EFCAB8: variants seen among roughly 807,000 people sequenced by gnomAD.
EFCAB8 encodes the protein EF-hand calcium binding domain 8, also known as EF-hand calcium-binding domain-containing protein 8.
In EFCAB8, 100 loss-of-function variants were observed where a neutral mutation model predicts 116.3. The ratio of observed to expected loss-of-function variants is 0.86; its 90% confidence interval spans 0.73 to 1.02. EFCAB8 has a LOEUF of 1.02. Ranked by LOEUF, EFCAB8 falls within the 50% of genes least tolerant of loss-of-function variation. The pLI, the probability that EFCAB8 is intolerant of heterozygous loss-of-function variation, is 0.00. For missense variants in EFCAB8, 1,320 were observed against 1,416.9 expected (o/e 0.93, Z 1.10); for synonymous variants, 558 against 567.9 (o/e 0.98, Z 0.25).
intron 11 of EFCAB8, among the ~76,000 whole-genome samples, chr20:32,899,960 C>T (rs867838148): frequency 1.3e-5 from 2 of 152,166 alleles, no homozygotes; most frequent in African/African-American, 4.8e-5. Flanking sequence ...AGTCTTCCTG[C>T]TGGGTGGCTC....
chr20:32,895,810 A>G (rs1467085858), intron 9 of EFCAB8, among the ~76,000 whole-genome samples: 1 of 152,000 alleles, frequency 6.6e-6, no homozygotes, highest in Admixed American at 6.6e-5. Context: ...ACCCCAGGTC[A>G]TCTGCCCGTC....
chr20:32,942,033 C>T (rs1420141759), intron 22 of EFCAB8, among the ~76,000 whole-genome samples: 2 of 152,090 alleles, frequency 1.3e-5, no homozygotes, highest in Non-Finnish European at 2.9e-5. Flanking sequence ...ATGTATACTA[C>T]AAAATTGCAC....
chr20:32,937,057 A>G (rs1988148110), intron 22 of EFCAB8, among the ~76,000 whole-genome samples: 1 of 152,052 alleles, frequency 6.6e-6, no homozygotes, highest in Non-Finnish European at 1.5e-5. Context: ...ATTTTAAAAT[A>G]CCTGGCTAAT....
rs1985794371 is a variant in EFCAB8 at position 32,889,312 on chromosome 20, C to T, written c.579C>T (p.Thr193=). ...SLMSSFRLNQ[T]QQLYNQPMWV... ...CTTCCTCTGGCCAGCTTAACCAGAC[C>T]CAGCAGCTCTACAACCAGCCGATGT... is the stretch of plus-strand genomic sequence containing the variant. The change falls in exon 7 of 27, where the codon ACC becomes ACT. Residue 193 remains threonine, a synonymous_variant. Transcript: ENST00000400522. 1 of 1,551,502 alleles carries T rather than the reference C, an allele frequency of 6.4e-7. No individual in the cohort carries two copies. Among genetic ancestry groups the T allele is most frequent in the Admixed American group, 2.0e-5 (1 of 50,972 alleles).
At chr20:32,904,713 A>G (rs6120032) in intron 11 of EFCAB8, among the ~76,000 whole-genome samples, 101,235 of 150,312 alleles carry the variant, frequency 0.67, 34,684 homozygotes, top group Middle Eastern at 0.81. Flanking sequence ...TGCAACCTCC[A>G]CCTCCCAGGT....
chr20:32,909,895 C>T lies in EFCAB8; in HGVS notation c.1521C>T (p.Pro507=). ...GGAAGAGGACCACTCATTGCTCACC[C>T]CTGTGTGCTGTCCTCTACAGCAAGA... is the stretch of plus-strand genomic sequence containing the variant. ...KARKRTTHCS[P]LCAVLYSKIF... The change falls in exon 15 of 27, where the codon CCC becomes CCT. Residue 507 remains proline, a synonymous_variant. Transcript: ENST00000400522. 8.0e-7 allele frequency: 1 copy of T among 1,249,870 alleles called. No homozygotes were observed. The highest frequency in any genetic ancestry group is 1.5e-5 in the African/African-American group (1 of 64,586). 77.4% of individuals were successfully genotyped at this position (1,249,870 alleles called of 1,614,324 possible).
intron 24 of EFCAB8, among the ~76,000 whole-genome samples, chr20:32,958,987 G>A (rs149491080): frequency 6.6e-6 from 1 of 152,230 alleles, no homozygotes; most frequent in Admixed American, 6.5e-5. Context: ...GGAGCAGGCT[G>A]CTGGCTACTT....
At chr20:32,943,305 A>G (rs1988462358) in intron 22 of EFCAB8, among the ~76,000 whole-genome samples, 1 of 152,260 alleles carries the variant, frequency 6.6e-6, no homozygotes. Context: ...TGTGAGGTTC[A>G]AATGGAATAA....
intron 22 of EFCAB8, among the ~76,000 whole-genome samples, chr20:32,934,151 C>T (rs1423666337): frequency 6.6e-6 from 1 of 152,006 alleles, no homozygotes; most frequent in Non-Finnish European, 1.5e-5. Context: ...GCCCTTTCTA[C>T]TTCTATGAGT....
chr20:32,872,540 C>T (rs1194694481), intron 3 of EFCAB8, among the ~76,000 whole-genome samples: 1 of 152,124 alleles, frequency 6.6e-6, no homozygotes, highest in Non-Finnish European at 1.5e-5. Context: ...GTAATCCCTG[C>T]ACTTTGGGAT....
intron 5 of EFCAB8, among the ~76,000 whole-genome samples, chr20:32,884,791 A>C (rs1315762508): frequency 6.6e-6 from 1 of 152,188 alleles, no homozygotes; most frequent in African/African-American, 2.4e-5. Flanking sequence ...TGGGCAGATC[A>C]AGTAGGAGAG....
intron 15 of EFCAB8, 104 bp downstream of exon 15, chr20:32,910,035 C>A: frequency 2.0e-6 from 1 of 499,018 alleles, no homozygotes; most frequent in Non-Finnish European, 3.2e-6. Flanking sequence ...GCTCCCATGG[C>A]ACATTGGGAA....
chr20:32,867,202 G>A (rs116914782), intron 2 of EFCAB8, among the ~76,000 whole-genome samples: 1 of 152,214 alleles, frequency 6.6e-6, no homozygotes, highest in Non-Finnish European at 1.5e-5. Flanking sequence ...TTATGGGCAT[G>A]AGCCACCATG....
At chr20:32,881,059 A>G (rs1452250011) in intron 5 of EFCAB8, among the ~76,000 whole-genome samples, 1 of 152,186 alleles carries the variant, frequency 6.6e-6, no homozygotes, top group African/African-American at 2.4e-5. Flanking sequence ...TAGTATATGA[A>G]TGTCTCCCAG....
intron 17 of EFCAB8, among the ~76,000 whole-genome samples, chr20:32,913,837 A>G (rs927171954): frequency 2.0e-5 from 3 of 152,252 alleles, no homozygotes; most frequent in Non-Finnish European, 2.9e-5. Context: ...AAATGCTAGT[A>G]GACCTTAAAT....
In EFCAB8 at chr20:32,870,741, A is replaced by G. The variant is rs367959987; in HGVS notation, c.208+2994A>G. Among the ~76,000 whole-genome samples, 9 of 152,280 alleles carry G rather than the reference A, an allele frequency of 5.9e-5. No homozygotes were observed. In the South Asian group the frequency reaches 6.2e-4, roughly 11 times the overall value. On this transcript the variant is annotated intron_variant, in intron 3 of 26. Transcript: ENST00000400522. The stretch of plus-strand genomic sequence containing the variant: ...AGTCTCAAACTCCTGGCTTCAAGCA[A>G]TCCTTCTGCCTCTGCCTCCCAAAGT...
intron 11 of EFCAB8, among the ~76,000 whole-genome samples, 160 bp downstream of exon 11, chr20:32,898,783 GC>G (rs372096820): frequency 4.0e-4 from 61 of 152,262 alleles, no homozygotes; most frequent in African/African-American, 1.4e-3. Flanking sequence ...GAACACAGCA[GC>G]CTCTTTTATC....
At chr20:32,937,853 G>A (rs1320461133) in intron 22 of EFCAB8, among the ~76,000 whole-genome samples, 3 of 149,676 alleles carry the variant, frequency 2.0e-5, no homozygotes, top group Non-Finnish European at 3.0e-5. Flanking sequence ...TCCCAACCTC[G>A]TGATCCGCCC....
chr20:32,889,401 A>G lies in EFCAB8; in HGVS notation c.668A>G (p.Lys223Arg). The G allele has an allele frequency of 6.4e-7, 1 of 1,551,784 alleles. No individual in the cohort carries two copies. Among genetic ancestry groups the G allele is most frequent in the Non-Finnish European group, 8.7e-7 (1 of 1,146,974 alleles). ...GTTGCAGTTGCGTCTACCAGGCAAA[A>G]GATAGGTGAGTCCCTGGGGGCTTCC... The part of the protein sequence containing the change: ...NLVAVASTRQ[K>R]IDFFDISDHK... The change falls in exon 7 of 27, where the codon AAG becomes AGG. Residue 223 changes from lysine to arginine, a missense_variant. Physicochemically the swap from Lys to Arg is conservative, Grantham distance 26 (BLOSUM62 2). Transcript: ENST00000400522.
Sources: allele counts gnomAD v4.1 joint callset (sites outside exome capture counted in the v4.1 genomes callset), GRCh38; gene constraint gnomAD v4.1.1; transcripts MANE v1.5; gene names NCBI Gene and HGNC (gene_info 2026-07-23, HGNC 2026-07-21).